The following INSM1 variants were observed in gnomAD, a reference collection of about 807,000 sequenced individuals.
The protein encoded by INSM1 is insulinoma-associated protein 1.
A neutral mutation model predicts 21.1 loss-of-function variants in INSM1; 11 were observed. The observed-to-expected ratio is 0.52, with a 90% confidence interval of 0.33 to 0.86. The LOEUF is 0.86. INSM1 is among the 40% of genes least tolerant of loss of function. The probability of loss-of-function intolerance (pLI) is 0.03; values close to 1 mark genes in which losing one functional copy is unlikely to be tolerated. For missense variants in INSM1, 843 were observed against 760.1 expected (o/e 1.11, Z -1.28); for synonymous variants, 473 against 386.1 (o/e 1.23, Z -2.64).
rs1468389070 is a variant in INSM1, at chr20:20,369,755, C to G, written c.1488C>G (p.Asn496Lys). Residue 496 changes from asparagine (N) to lysine (K), a missense_variant, in exon 1 of 1, where the codon AAC becomes AAG. By Grantham distance (94) the Asn-to-Lys change is moderately conservative. Coordinates refer to ENST00000310227, the MANE Select transcript of INSM1 (RefSeq NM_002196.3). This position sits in a 1 kb window ranked among gnomAD's most constrained non-coding sequence, Gnocchi z 5.6. ...TCAACAAGTGCCACCCATCCGAAAA[C>G]AGACAGGTGATCCTCCTGCAGGTGC... ...RHINKCHPSE[N>K]RQVILLQVPV... 6.2e-7 allele frequency: 1 copy of G among 1,604,092 alleles called. No individual in the cohort carries two copies.
Position 20,369,270 on chromosome 20 carries a change from G to T in INSM1, c.1003G>T (p.Ala335Ser). The T allele has an allele frequency of 7.0e-7, 1 of 1,426,536 alleles. No individual in the cohort carries two copies. Among genetic ancestry groups the T allele is most frequent in the Non-Finnish European group, 9.1e-7 (1 of 1,101,030 alleles). The allele number at this position is 1,426,536 out of a possible 1,614,324, so 88.4% of individuals were successfully genotyped here. The change falls in exon 1 of 1, where the codon GCC becomes TCC. Residue 335 changes from alanine (A) to serine (S), a missense_variant. Coordinates refer to ENST00000310227, the MANE Select transcript of INSM1 (RefSeq NM_002196.3). This position sits in a 1 kb window ranked among gnomAD's most constrained non-coding sequence, Gnocchi z 5.6. ...AARAPEPEAA[A>S]RAEAREAPGG... ...CCGCGCGCCGGAGCCAGAAGCAGCA[G>T]CCAGGGCTGAGGCGCGGGAGGCACC...
In INSM1 at chr20:20,369,708, T is replaced by C; in HGVS notation, c.1441T>C (p.Ser481Pro). The C allele has an allele frequency of 6.2e-7, 1 of 1,601,132 alleles. No individual in the cohort carries two copies. The highest frequency in any genetic ancestry group is 2.2e-5 in the East Asian group (1 of 44,830). The stretch of plus-strand genomic sequence containing the variant: ...GTACTGCCCGGCCACCTTCTACAGC[T>C]CGCCCGGCCTTACGCGGCACATCAA... ...CKYCPATFYSSPGLTRHINKC... is the reference protein window; with the variant it reads ...CKYCPATFYSPPGLTRHINKC... Residue 481 changes from serine to proline, a missense_variant, in exon 1 of 1, where the codon TCG becomes CCG. Transcript: ENST00000310227. The surrounding 1 kb of genome is among the most constrained non-coding windows in gnomAD (Gnocchi z 5.6).
At position 20,370,023 on chromosome 20, in the gene INSM1, G is replaced by A; in HGVS notation, c.*223G>A. 1 of 529,896 alleles carries A rather than the reference G, an allele frequency of 1.9e-6. No homozygotes were observed. The highest frequency in any genetic ancestry group is 3.1e-5 in the South Asian group (1 of 32,140). The allele number at this position is 529,896 out of a possible 1,614,324, so 32.8% of individuals were successfully genotyped here. On this transcript the variant is annotated 3_prime_UTR_variant, in exon 1 of 1. Coordinates refer to ENST00000310227, the MANE Select transcript of INSM1 (RefSeq NM_002196.3). ...CCCCACTTTTACGTTGTGTCCCTCC[G>A]CCTCCCCCATGGCGCAACAGGAGTC...
chr20:20,369,772 T>C lies in INSM1; in HGVS notation c.1505T>C (p.Leu502Pro). Residue 502 changes from leucine to proline, a missense_variant, in exon 1 of 1, where the codon CTG becomes CCG. Transcript: ENST00000310227. The surrounding 1 kb of genome is among the most constrained non-coding windows in gnomAD (Gnocchi z 5.6). ...HPSENRQVIL[L>P]QVPVRPAC ...TCCGAAAACAGACAGGTGATCCTCC[T>C]GCAGGTGCCCGTGCGCCCGGCCTGC... The C allele has an allele frequency of 6.2e-7, 1 of 1,600,646 alleles. No homozygotes were observed.
rs1414741152 is a variant in INSM1 at position 20,369,999 on chromosome 20, C to G, written c.*199C>G. The G allele has an allele frequency of 7.2e-6, 4 of 552,600 alleles. No individual in the cohort carries two copies. Among genetic ancestry groups the G allele is most frequent in the Non-Finnish European group, 1.3e-5 (4 of 310,244 alleles). The allele number at this position is 552,600 out of a possible 1,614,324, so 34.2% of individuals were successfully genotyped here. A position where few individuals can be genotyped will look rare whatever the true frequency, so the allele number is the denominator to read the frequency against. On this transcript the variant is annotated 3_prime_UTR_variant, in exon 1 of 1. Coordinates refer to ENST00000310227, the MANE Select transcript of INSM1 (RefSeq NM_002196.3). This position sits in a 1 kb window ranked among gnomAD's most constrained non-coding sequence, Gnocchi z 5.6. ...TCTCCTTTTGACTCCTTTTGGAACC[C>G]CCACTTTTACGTTGTGTCCCTCCGC...
At position 20,369,001 on chromosome 20, in the gene INSM1, T is replaced by C; in HGVS notation, c.734T>C (p.Ile245Thr). Residue 245 changes from isoleucine (I) to threonine (T), a missense_variant, in exon 1 of 1, where the codon ATC (isoleucine) becomes ACC (threonine). Transcript: ENST00000310227. This position sits in a 1 kb window ranked among gnomAD's most constrained non-coding sequence, Gnocchi z 5.6. ...VTTSPVLGLK[I>T]KEGPVEAPRG... Reference sequence around the variant, plus strand: ...ACGTCGCCCGTGCTGGGGCTCAAGATCAAGGAGGGCCCGGTGGAGGCGCCG... The same window carrying C: ...ACGTCGCCCGTGCTGGGGCTCAAGACCAAGGAGGGCCCGGTGGAGGCGCCG... 6.5e-7 allele frequency: 1 copy of C among 1,540,104 alleles called. No homozygotes were observed. Among genetic ancestry groups the C allele is most frequent in the Non-Finnish European group, 8.7e-7 (1 of 1,145,630 alleles).
Position 20,369,709 on chromosome 20 carries a change from C to T in INSM1, c.1442C>T (p.Ser481Leu), listed in dbSNP as rs1462149943. 6.2e-7 allele frequency: 1 copy of T among 1,601,236 alleles called. No individual in the cohort carries two copies. The highest frequency in any genetic ancestry group is 8.5e-7 in the Non-Finnish European group (1 of 1,179,796). The change falls in exon 1 of 1, where the codon TCG (serine) becomes TTG (leucine). Residue 481 changes from serine to leucine, a missense_variant. Coordinates refer to ENST00000310227, the MANE Select transcript of INSM1 (RefSeq NM_002196.3). The surrounding 1 kb of genome is among the most constrained non-coding windows in gnomAD (Gnocchi z 5.6). ...CKYCPATFYS[S>L]PGLTRHINKC... Reference sequence around the variant, plus strand: ...TACTGCCCGGCCACCTTCTACAGCTCGCCCGGCCTTACGCGGCACATCAAC... The same window carrying T: ...TACTGCCCGGCCACCTTCTACAGCTTGCCCGGCCTTACGCGGCACATCAAC...
Position 20,369,047 on chromosome 20 carries a change from G to C in INSM1, c.780G>C (p.Ala260=). The C allele has an allele frequency of 1.9e-6, 3 of 1,551,292 alleles. No homozygotes were observed. Among genetic ancestry groups the C allele is most frequent in the East Asian group, 2.4e-5 (1 of 41,102 alleles). ...CGCCGCGGGGCCGCGCGGGGGGCGCGGCGCGGCCGCTGGGCGAGTTCATCT... is the reference window on the plus strand; with the variant it reads ...CGCCGCGGGGCCGCGCGGGGGGCGCCGCGCGGCCGCTGGGCGAGTTCATCT... ...VEAPRGRAGG[A]ARPLGEFICQ... The change falls in exon 1 of 1, where the codon GCG becomes GCC. Residue 260 remains alanine, a synonymous_variant. Transcript: ENST00000310227. The surrounding 1 kb of genome is among the most constrained non-coding windows in gnomAD (Gnocchi z 5.6).
At position 20,369,870 on chromosome 20, in the gene INSM1, A is replaced by G; in HGVS notation, c.*70A>G. On this transcript the variant is annotated 3_prime_UTR_variant, in exon 1 of 1. Transcript: ENST00000310227. The surrounding 1 kb of genome is among the most constrained non-coding windows in gnomAD (Gnocchi z 5.6). ...GACCCACAAAGAGAGTGCGCCCTGC[A>G]CTCCCCGAACCCGAGTCCGCGCTGG... 1 of 1,392,978 alleles carries G rather than the reference A, an allele frequency of 7.2e-7. No individual in the cohort carries two copies. The highest frequency in any genetic ancestry group is 9.7e-7 in the Non-Finnish European group (1 of 1,035,868). The allele number at this position is 1,392,978 out of a possible 1,614,324, so 86.3% of individuals were successfully genotyped here. A position where few individuals can be genotyped will look rare whatever the true frequency, so the allele number is the denominator to read the frequency against.
chr20:20,368,225 G>C lies in INSM1; in HGVS notation c.-43G>C. ...CTGAGGGCCGCCGGGGCCGAGCGCG[G>C]AGGGGGGACCGAGCCAGTGCCGTGC... is the stretch of plus-strand genomic sequence containing the variant. On this transcript the variant is annotated 5_prime_UTR_variant, in exon 1 of 1. Transcript: ENST00000310227. The surrounding 1 kb of genome is among the most constrained non-coding windows in gnomAD (Gnocchi z 4.3). 9.1e-7 allele frequency: 1 copy of C among 1,093,680 alleles called. No individual in the cohort carries two copies. The highest frequency in any genetic ancestry group is 1.1e-6 in the Non-Finnish European group (1 of 898,110). The allele number at this position is 1,093,680 out of a possible 1,614,324, so 67.7% of individuals were successfully genotyped here.
In INSM1 at chr20:20,369,303, G is replaced by GGCA. The variant is rs775592886; in HGVS notation, c.1039_1041dup (p.Ser347dup). The GGCA allele has an allele frequency of 2.3e-5, 31 of 1,370,300 alleles. No individual in the cohort carries two copies. The highest frequency in any genetic ancestry group is 2.1e-4 in the Middle Eastern group (1 of 4,710). 84.9% of individuals were successfully genotyped at this position (1,370,300 alleles called of 1,614,324 possible). On this transcript the variant is annotated inframe_insertion, in exon 1 of 1. Coordinates refer to ENST00000310227, the MANE Select transcript of INSM1 (RefSeq NM_002196.3). The surrounding 1 kb of genome is among the most constrained non-coding windows in gnomAD (Gnocchi z 5.6). ...TGAGGCGCGGGAGGCACCCGGCGGC[G>GGCA]GCAGCGACCGGGACACGCCGAGCCC...
In INSM1 at chr20:20,369,789, C is replaced by T; in HGVS notation, c.1522C>T (p.Pro508Ser). ...QVILLQVPVR[P>S]AC The stretch of plus-strand genomic sequence containing the variant: ...GATCCTCCTGCAGGTGCCCGTGCGC[C>T]CGGCCTGCTAGAGCGCGCCCTCCAC... Residue 508 changes from proline to serine, a missense_variant, in exon 1 of 1, where the codon CCG (proline) becomes TCG (serine). Coordinates refer to ENST00000310227, the MANE Select transcript of INSM1 (RefSeq NM_002196.3). The surrounding 1 kb of genome is among the most constrained non-coding windows in gnomAD (Gnocchi z 5.6). The T allele has an allele frequency of 3.1e-6, 5 of 1,596,468 alleles. No homozygotes were observed. The highest frequency in any genetic ancestry group is 4.3e-6 in the Non-Finnish European group (5 of 1,171,790).
Position 20,369,029 on chromosome 20 carries a change from G to A in INSM1, c.762G>A (p.Arg254=). 2 of 1,531,860 alleles carry A rather than the reference G, an allele frequency of 1.3e-6. No individual in the cohort carries two copies. Among genetic ancestry groups the A allele is most frequent in the Non-Finnish European group, 8.7e-7 (1 of 1,145,158 alleles). 94.9% of individuals were successfully genotyped at this position (1,531,860 alleles called of 1,614,324 possible). A position where few individuals can be genotyped will look rare whatever the true frequency, so the allele number is the denominator to read the frequency against. The change falls in exon 1 of 1, where the codon CGG becomes CGA. Residue 254 remains arginine (R), a synonymous_variant. Coordinates refer to ENST00000310227, the MANE Select transcript of INSM1 (RefSeq NM_002196.3). The surrounding 1 kb of genome is among the most constrained non-coding windows in gnomAD (Gnocchi z 5.6). ...AGGAGGGCCCGGTGGAGGCGCCGCG[G>A]GGCCGCGCGGGGGGCGCGGCGCGGC... The part of the protein sequence containing the change: ...KIKEGPVEAP[R]GRAGGAARPL...
In INSM1 at chr20:20,369,932, C is replaced by T. The variant is rs1484449181; in HGVS notation, c.*132C>T. 2 of 743,884 alleles carry T rather than the reference C, an allele frequency of 2.7e-6. No homozygotes were observed. The highest frequency in any genetic ancestry group is 3.1e-5 in the Admixed American group (1 of 31,824). 46.1% of individuals were successfully genotyped at this position (743,884 alleles called of 1,614,324 possible). ...CCCCGCCCCCACCGGGTGAAAGTGT[C>T]GTCTCCGCTTCTCTCGGTGTGGCGT... On this transcript the variant is annotated 3_prime_UTR_variant, in exon 1 of 1. Transcript: ENST00000310227. The surrounding 1 kb of genome is among the most constrained non-coding windows in gnomAD (Gnocchi z 5.6).
chr20:20,368,939 G>C lies in INSM1; in HGVS notation c.672G>C (p.Lys224Asn). 6.5e-7 allele frequency: 1 copy of C among 1,548,880 alleles called. No homozygotes were observed. The highest frequency in any genetic ancestry group is 8.7e-7 in the Non-Finnish European group (1 of 1,151,224). The change falls in exon 1 of 1, where the codon AAG becomes AAC. Residue 224 changes from lysine to asparagine, a missense_variant. Lys to Asn is a moderately conservative substitution (Grantham distance 94, BLOSUM62 0). Transcript: ENST00000310227. The surrounding 1 kb of genome is among the most constrained non-coding windows in gnomAD (Gnocchi z 4.3). ...AGGCCCCGGGCGCCAAGAAGCCCAA[G>C]GCCATCCGCAAGCTGCACTTCGAGG... ...AVKAPGAKKP[K>N]AIRKLHFEDE...
Position 20,368,612 on chromosome 20 carries a change from CT to C in INSM1, c.347del (p.Phe116SerfsTer120). 2 of 1,468,160 alleles carry C rather than the reference CT, an allele frequency of 1.4e-6. No individual in the cohort carries two copies. Among genetic ancestry groups the C allele is most frequent in the Non-Finnish European group, 1.8e-6 (2 of 1,097,420 alleles). The allele number at this position is 1,468,160 out of a possible 1,614,324, so 90.9% of individuals were successfully genotyped here. A position where few individuals can be genotyped will look rare whatever the true frequency, so the allele number is the denominator to read the frequency against. On this transcript the variant is annotated frameshift_variant, in exon 1 of 1. Coordinates refer to ENST00000310227, the MANE Select transcript of INSM1 (RefSeq NM_002196.3). LOFTEE classifies it high-confidence loss of function. The surrounding 1 kb of genome is among the most constrained non-coding windows in gnomAD (Gnocchi z 4.3). Reference protein sequence around the residue: ...VSREHEKHKYFERSFNLGSPV... With the variant: ...VSREHEKHKYXERSFNLGSPV... ...GCCGCGAGCACGAGAAGCACAAGTA[CT>C]TCGAACGCAGCTTCAACCTGGGCTC... is the stretch of plus-strand genomic sequence containing the variant.
In INSM1 at chr20:20,369,281, G is replaced by C. The variant is rs1334611976; in HGVS notation, c.1014G>C (p.Glu338Asp). ...APEPEAAARAEAREAPGGGSD... is the reference protein window; with the variant it reads ...APEPEAAARADAREAPGGGSD... Reference sequence around the variant, plus strand: ...AGCCAGAAGCAGCAGCCAGGGCTGAGGCGCGGGAGGCACCCGGCGGCGGCA... The same window carrying C: ...AGCCAGAAGCAGCAGCCAGGGCTGACGCGCGGGAGGCACCCGGCGGCGGCA... Residue 338 changes from glutamate (E) to aspartate (D), a missense_variant, in exon 1 of 1, where the codon GAG (glutamate) becomes GAC (aspartate). Transcript: ENST00000310227. This position sits in a 1 kb window ranked among gnomAD's most constrained non-coding sequence, Gnocchi z 5.6. 1.2e-5 allele frequency: 17 copies of C among 1,379,390 alleles called. No individual in the cohort carries two copies. Among genetic ancestry groups the C allele is most frequent in the Non-Finnish European group, 1.6e-5 (17 of 1,079,346 alleles). 85.4% of individuals were successfully genotyped at this position (1,379,390 alleles called of 1,614,324 possible). A position where few individuals can be genotyped will look rare whatever the true frequency, so the allele number is the denominator to read the frequency against.
chr20:20,369,900 G>C lies in INSM1; in HGVS notation c.*100G>C, dbSNP rs1408289658. On this transcript the variant is annotated 3_prime_UTR_variant, in exon 1 of 1. Transcript: ENST00000310227. This position sits in a 1 kb window ranked among gnomAD's most constrained non-coding sequence, Gnocchi z 5.6. ...CCGAACCCGAGTCCGCGCTGGGGGA[G>C]CCTCGCCCCCGCCCCCACCGGGTGA... The C allele has an allele frequency of 1.8e-5, 18 of 1,019,598 alleles. No individual in the cohort carries two copies. Among genetic ancestry groups the C allele is most frequent in the African/African-American group, 1.7e-5 (1 of 59,566 alleles). 63.2% of individuals were successfully genotyped at this position (1,019,598 alleles called of 1,614,324 possible).
Position 20,369,877 on chromosome 20 carries a change from G to A in INSM1, c.*77G>A. The A allele has an allele frequency of 2.3e-6, 3 of 1,302,442 alleles. No homozygotes were observed. The highest frequency in any genetic ancestry group is 2.1e-6 in the Non-Finnish European group (2 of 961,786). 80.7% of individuals were successfully genotyped at this position (1,302,442 alleles called of 1,614,324 possible). ...AAAGAGAGTGCGCCCTGCACTCCCC[G>A]AACCCGAGTCCGCGCTGGGGGAGCC... On this transcript the variant is annotated 3_prime_UTR_variant, in exon 1 of 1. Coordinates refer to ENST00000310227, the MANE Select transcript of INSM1 (RefSeq NM_002196.3). The surrounding 1 kb of genome is among the most constrained non-coding windows in gnomAD (Gnocchi z 5.6).
Sources: gnomAD v4.1 joint callset for allele counts on GRCh38, gnomAD v4.1.1 for gene constraint, Gnocchi (gnomAD v3.1) non-coding constraint, MANE v1.5 for transcripts, NCBI Gene and HGNC (gene_info 2026-07-23, HGNC 2026-07-21) for gene names.